Variants in CCDC82 observed in about 807,000 individuals in gnomAD.
CCDC82 encodes coiled-coil domain containing 82, also known as coiled-coil domain-containing protein 82.
Under a neutral mutation model 60.6 loss-of-function variants are expected in CCDC82, and 47 were observed. The ratio of observed to expected loss-of-function variants is 0.77; its 90% CI spans 0.61 to 0.99. The LOEUF (loss-of-function observed/expected upper bound fraction) is 0.99, where lower values mean the gene tolerates loss of function less well. Among genes scored for constraint, CCDC82 ranks in the 50% least tolerant of loss-of-function variants. CCDC82 has a pLI of 0.00. For synonymous variants in CCDC82, 212 were observed against 207.4 expected, an observed-to-expected ratio of 1.02 and a Z score of -0.19; for missense variants, 588 against 633.0, an observed-to-expected ratio of 0.93 and a Z score of 0.76.
intron 9 of CCDC82, chr11:96,357,267 A>G (rs1460417075): frequency 3.0e-6 from 3 of 985,296 alleles, no homozygotes; most frequent in Admixed American, 6.2e-5. Flanking sequence ...AAAACCTAGG[A>G]ACAAATTTTT....
chr11:96,357,066 C>T, intron 9 of CCDC82: 1 of 985,384 alleles, frequency 1.0e-6, no homozygotes, highest in Non-Finnish European at 1.2e-6. Context: ...CAGACTGTAG[C>T]TAAAGGCAGC....
At chr11:96,360,752 G>A (rs139224534) in intron 8 of CCDC82, among the ~76,000 whole-genome samples, 37 of 152,278 alleles carry the variant, frequency 2.4e-4, no homozygotes, top group Non-Finnish European at 4.6e-4. Context: ...AGGCCACACT[G>A]CAAGGAAACA....
chr11:96,379,862 A>G (rs1427277432), intron 5 of CCDC82, among the ~76,000 whole-genome samples: 1 of 151,874 alleles, frequency 6.6e-6, no homozygotes, highest in Non-Finnish European at 1.5e-5. Flanking sequence ...TTTCTGCTTA[A>G]CGACTGGACT....
At chr11:96,358,524 C>A in intron 9 of CCDC82, 1 of 1,233,536 alleles carries the variant, frequency 8.1e-7, no homozygotes, top group South Asian at 4.1e-5. Flanking sequence ...CCCATGTCCT[C>A]AAGAAGAGGA....
In CCDC82 at chr11:96,378,526, ATTTTC is replaced by A. The variant is rs545231365; in HGVS notation, c.991+4738_991+4742del. Among the ~76,000 whole-genome samples, 420 of 151,992 alleles carry A rather than the reference ATTTTC, an allele frequency of 2.8e-3. 3 individuals are homozygous for A. The highest frequency in any genetic ancestry group is 9.8e-3 in the African/African-American group (406 of 41,528). On this transcript the variant is annotated intron_variant, in intron 5 of 9. Transcript: ENST00000646818. The stretch of plus-strand genomic sequence containing the variant: ...CACTCTTTATTGTGTTAATAGAATG[ATTTTC>A]TTTAATTAGTAGATGGAGACTAAGT...
chr11:96,356,577 T>G lies in CCDC82; in HGVS notation c.1566+2416A>C, dbSNP rs904224713. On this transcript the variant is annotated intron_variant, in intron 9 of 9. Transcript: ENST00000646818. ...TTTCTTCTTAATGAACAAATATTCG[T>G]TAGAATTTTGCCAGTGTCATATTAG... is the stretch of plus-strand genomic sequence containing the variant. 6.0e-5 allele frequency: 59 copies of G among 984,832 alleles called. No homozygotes were observed. In the African/African-American group the frequency reaches 9.6e-4, roughly 16 times the overall value. 61.0% of individuals were successfully genotyped at this position (984,832 alleles called of 1,614,324 possible).
At chr11:96,374,191 A>G (rs751417818) in intron 5 of CCDC82, among the ~76,000 whole-genome samples, 1 of 152,244 alleles carries the variant, frequency 6.6e-6, no homozygotes, top group Non-Finnish European at 1.5e-5. Flanking sequence ...GTCACTGTAG[A>G]ATACATGCCC....
intron 6 of CCDC82, among the ~76,000 whole-genome samples, chr11:96,372,208 T>C (rs11605538): frequency 0.35 from 53,576 of 151,964 alleles, 9,705 homozygotes; most frequent in Non-Finnish European, 0.39. Flanking sequence ...CACGTATTAC[T>C]TGCTCCCTTT....
At chr11:96,356,284 G>T in intron 9 of CCDC82, 1 of 302,848 alleles carries the variant, frequency 3.3e-6, no homozygotes, top group Non-Finnish European at 4.9e-6. Flanking sequence ...TTGAAAAGGA[G>T]GGGAAAAAGA....
intron 9 of CCDC82, chr11:96,358,646 A>G: frequency 8.1e-7 from 1 of 1,234,160 alleles, no homozygotes; most frequent in Admixed American, 4.3e-5. Context: ...AGACAAGCAG[A>G]GGTGAGTCCT....
At chr11:96,380,013 G>C (rs1335959157) in intron 5 of CCDC82, among the ~76,000 whole-genome samples, 1 of 151,694 alleles carries the variant, frequency 6.6e-6, no homozygotes, top group East Asian at 1.9e-4. Context: ...AGAAAAGTAG[G>C]GTACCACAGA....
At chr11:96,386,601 C>T (rs998727391) in intron 2 of CCDC82, 1 of 152,152 alleles carries the variant, frequency 6.6e-6, no homozygotes, top group Non-Finnish European at 1.5e-5. Flanking sequence ...ATGGAGGTCT[C>T]ACTATGTCCT....
chr11:96,373,504 G>A, intron 5 of CCDC82, 37 bp from the exon 6 acceptor site: 1 of 1,252,666 alleles, frequency 8.0e-7, no homozygotes, highest in Non-Finnish European at 1.2e-6. Flanking sequence ...GAACAGAGCA[G>A]ACAAAATAAT....
In CCDC82 at chr11:96,357,818, A is replaced by G. The variant is rs189518176; in HGVS notation, c.1566+1175T>C. 1.3e-4 allele frequency: 129 copies of G among 985,402 alleles called. No homozygotes were observed. In the African/African-American group the frequency reaches 2.1e-3, roughly 16 times the overall value. 61.0% of individuals were successfully genotyped at this position (985,402 alleles called of 1,614,324 possible). On this transcript the variant is annotated intron_variant, in intron 9 of 9. Coordinates refer to ENST00000646818, the MANE Select transcript of CCDC82 (RefSeq NM_024725.4). The stretch of plus-strand genomic sequence containing the variant: ...TTATTGAATAAGTGCTCTCTCCTAA[A>G]GCAAATGAAAAAGTACGGATAAGCA...
chr11:96,376,863 A>G (rs1346230281), intron 5 of CCDC82, among the ~76,000 whole-genome samples: 1 of 152,140 alleles, frequency 6.6e-6, no homozygotes, highest in Admixed American at 6.6e-5. Context: ...CTTACTGTGA[A>G]TCTGGTGATT....
intron 6 of CCDC82, among the ~76,000 whole-genome samples, chr11:96,371,566 A>G (rs1327246285): frequency 6.6e-6 from 1 of 152,242 alleles, no homozygotes; most frequent in Non-Finnish European, 1.5e-5. Context: ...TGGGTGATAG[A>G]GTGAGACTCC....
chr11:96,359,640 A>G, intron 8 of CCDC82, among the ~76,000 whole-genome samples: 1 of 103,864 alleles, frequency 9.6e-6, no homozygotes, highest in South Asian at 3.1e-4. Context: ...GGATGGGCAA[A>G]GTAAAAAAAA....
intron 7 of CCDC82, among the ~76,000 whole-genome samples, chr11:96,368,084 T>G (rs992766983): frequency 1.3e-5 from 2 of 152,106 alleles, no homozygotes; most frequent in African/African-American, 4.8e-5. Context: ...CCACCCAAAA[T>G]GCTGGGATTA....
At chr11:96,368,832 C>T (rs1435538733) in intron 7 of CCDC82, among the ~76,000 whole-genome samples, 1 of 149,958 alleles carries the variant, frequency 6.7e-6, no homozygotes, top group Non-Finnish European at 1.5e-5. Flanking sequence ...CGCCACTGCA[C>T]TCCAACCTGG....
Sources: allele counts gnomAD v4.1 joint callset (sites outside exome capture counted in the v4.1 genomes callset), GRCh38; gene constraint gnomAD v4.1.1; transcripts MANE v1.5; gene names NCBI Gene and HGNC (gene_info 2026-07-23, HGNC 2026-07-21).